Variants in ANKDD1B observed in about 807,000 individuals in gnomAD.
ANKDD1B encodes ankyrin repeat and death domain-containing protein 1B.
ANKDD1B carries 57 observed loss-of-function variants against 59.7 expected under a neutral mutation model. The observed-to-expected ratio is 0.95, with a 90% CI of 0.77 to 1.19. ANKDD1B has a LOEUF of 1.19. Ranked by LOEUF, ANKDD1B falls within the 50% of genes most tolerant of loss-of-function variation. The pLI is 0.00. For synonymous variants in ANKDD1B, 216 were observed against 239.5 expected (o/e 0.90, Z 0.91); for missense variants, 602 against 641.9 (o/e 0.94, Z 0.67).
chr5:75,648,233 C>A, intron 7 of ANKDD1B, among the ~76,000 whole-genome samples: 1 of 91,824 alleles, frequency 1.1e-5, no homozygotes, highest in South Asian at 3.4e-4. Flanking sequence ...GCACATGTAC[C>A]CTAAAACTTA....
intron 6 of ANKDD1B, 120 bp downstream of exon 6, chr5:75,635,116 A>G (rs866752126): frequency 7.8e-6 from 5 of 638,820 alleles, no homozygotes; most frequent in Non-Finnish European, 5.5e-6. Flanking sequence ...GGAGAGTTAA[A>G]TTGCTACTGT....
intron 9 of ANKDD1B, among the ~76,000 whole-genome samples, chr5:75,657,574 A>G (rs1775008057): frequency 6.6e-6 from 1 of 152,152 alleles, no homozygotes; most frequent in African/African-American, 2.4e-5. Flanking sequence ...TTGAATGACA[A>G]ACACCTAGAC....
intron 9 of ANKDD1B, among the ~76,000 whole-genome samples, chr5:75,659,031 TA>T (rs1357379642): frequency 6.7e-6 from 1 of 150,252 alleles, no homozygotes; most frequent in African/African-American, 2.5e-5. Flanking sequence ...AAATCATTTT[TA>T]AAAAAATAAT....
chr5:75,635,962 G>A, intron 7 of ANKDD1B, 80 bp downstream of exon 7: 2 of 837,404 alleles, frequency 2.4e-6, no homozygotes, highest in East Asian at 2.8e-5. Flanking sequence ...AAGAGTGGGA[G>A]GAAAACAAAG....
Position 75,635,893 on chromosome 5 carries a change from G to A in ANKDD1B, c.798+11G>A, listed in dbSNP as rs1289622266. ...AATGAGATGAATGAGGTATGTGGAA[G>A]TGCTCGTTATTGCCATAGGACTTAA... On this transcript the variant is annotated intron_variant, in intron 7 of 13. Coordinates refer to ENST00000601380, the MANE Select transcript of ANKDD1B (RefSeq NM_001276713.2). The A allele has an allele frequency of 2.0e-6, 3 of 1,495,818 alleles. No individual in the cohort carries two copies. Among genetic ancestry groups the A allele is most frequent in the Admixed American group, 2.0e-5 (1 of 50,466 alleles). The allele number at this position is 1,495,818 out of a possible 1,614,324, so 92.7% of individuals were successfully genotyped here. A position where few individuals can be genotyped will look rare whatever the true frequency, so the allele number is the denominator to read the frequency against.
At chr5:75,612,775 G>C (rs1335337328) in intron 1 of ANKDD1B, among the ~76,000 whole-genome samples, 3 of 152,134 alleles carry the variant, frequency 2.0e-5, no homozygotes, top group Non-Finnish European at 4.4e-5. Context: ...AATGTGGTTG[G>C]AGTCAGGCTG....
At chr5:75,618,971 C>G (rs559990510) in intron 2 of ANKDD1B, among the ~76,000 whole-genome samples, 3 of 152,294 alleles carry the variant, frequency 2.0e-5, no homozygotes, top group Non-Finnish European at 4.4e-5. Context: ...GTCTCAAACT[C>G]CTGACCTCAG....
intron 5 of ANKDD1B, among the ~76,000 whole-genome samples, chr5:75,626,200 C>T (rs1773992570): frequency 6.6e-6 from 1 of 152,220 alleles, no homozygotes; most frequent in Non-Finnish European, 1.5e-5. Context: ...TCCCATTCTA[C>T]TCCCTCATCC....
At chr5:75,649,184 CTTTTT>C (rs35027297) in intron 7 of ANKDD1B, among the ~76,000 whole-genome samples, 2 of 125,940 alleles carry the variant, frequency 1.6e-5, no homozygotes, top group Admixed American at 7.9e-5. Context: ...TTCCTCTTTA[CTTTTT>C]TTTTTTTTTT....
chr5:75,648,727 A>C (rs1372664677), intron 7 of ANKDD1B, among the ~76,000 whole-genome samples: 1 of 152,186 alleles, frequency 6.6e-6, no homozygotes, highest in East Asian at 1.9e-4. Context: ...TGTCCAACCC[A>C]GTGAAAACCC....
At chr5:75,613,068 C>T (rs923579842) in intron 1 of ANKDD1B, among the ~76,000 whole-genome samples, 6 of 152,068 alleles carry the variant, frequency 3.9e-5, no homozygotes, top group Admixed American at 1.3e-4. Flanking sequence ...ATGCACATGA[C>T]GGAGGTATGA....
intron 2 of ANKDD1B, 111 bp from the exon 3 acceptor site, chr5:75,620,204 A>G (rs1773810492): frequency 8.6e-6 from 5 of 579,454 alleles, no homozygotes; most frequent in Admixed American, 3.2e-5. Flanking sequence ...GTGGAGCCAA[A>G]CAATCAAAAT....
chr5:75,626,829 C>G (rs1774009034), intron 5 of ANKDD1B, among the ~76,000 whole-genome samples: 2 of 151,402 alleles, frequency 1.3e-5, no homozygotes, highest in Admixed American at 1.3e-4. Context: ...ACAGGAGTAG[C>G]TTTTGTGCAC....
chr5:75,658,553 C>T (rs557914751), intron 9 of ANKDD1B, among the ~76,000 whole-genome samples: 8 of 152,084 alleles, frequency 5.3e-5, no homozygotes, highest in African/African-American at 1.7e-4. Context: ...TACATTATAA[C>T]GTAGAAAATT....
chr5:75,653,124 C>T lies in ANKDD1B; in HGVS notation c.799-18C>T. 1 of 1,512,398 alleles carries T rather than the reference C, an allele frequency of 6.6e-7. No homozygotes were observed. The highest frequency in any genetic ancestry group is 8.9e-7 in the Non-Finnish European group (1 of 1,125,406). 93.7% of individuals were successfully genotyped at this position (1,512,398 alleles called of 1,614,324 possible). A position where few individuals can be genotyped will look rare whatever the true frequency, so the allele number is the denominator to read the frequency against. ...TATAATGAGAGTTCCTCCTTGCCCT[C>T]TCTATTGTCTCTTGCAGCTCAATAT... On this transcript the variant is annotated intron_variant, in intron 7 of 13. Transcript: ENST00000601380.
chr5:75,634,758 CAG>C (rs2112977967), intron 5 of ANKDD1B, 138 bp from the exon 6 acceptor site: 1 of 584,636 alleles, frequency 1.7e-6, no homozygotes, highest in African/African-American at 1.9e-5. Context: ...GATTTGGAGT[CAG>C]AGATAGCATC....
At chr5:75,611,973 C>T (rs1441891161) in intron 1 of ANKDD1B, 146 bp downstream of exon 1, 7 of 586,204 alleles carry the variant, frequency 1.2e-5, no homozygotes, top group African/African-American at 7.7e-5. Context: ...CGAGTCCCAG[C>T]CTGCACCGCT....
chr5:75,637,860 A>G (rs1207127043), intron 7 of ANKDD1B, among the ~76,000 whole-genome samples: 2 of 152,024 alleles, frequency 1.3e-5, no homozygotes, highest in African/African-American at 4.8e-5. Flanking sequence ...GCTGGAGTAC[A>G]GCGGCATGGG....
intron 5 of ANKDD1B, among the ~76,000 whole-genome samples, chr5:75,627,801 T>C (rs1473753882): frequency 6.6e-6 from 1 of 152,194 alleles, no homozygotes; most frequent in Non-Finnish European, 1.5e-5. Flanking sequence ...GGCAGGCTGA[T>C]GGGGTTCAGA....
Sources: allele counts gnomAD v4.1 joint callset (sites outside exome capture counted in the v4.1 genomes callset), GRCh38; gene constraint gnomAD v4.1.1; transcripts MANE v1.5; gene names NCBI Gene and HGNC (gene_info 2026-07-23, HGNC 2026-07-21).